The following CNTNAP2 variants were observed in gnomAD, a reference collection of about 807,000 sequenced individuals.
CNTNAP2 encodes contactin-associated protein-like 2.
In CNTNAP2, 98 loss-of-function variants were observed where a neutral mutation model predicts 155.2. The observed-to-expected ratio is 0.63, with a 90% CI of 0.54 to 0.75. The LOEUF (loss-of-function observed/expected upper bound fraction) is 0.75, where lower values mean the gene tolerates loss of function less well. Ranked by LOEUF, CNTNAP2 falls within the 30% of genes least tolerant of loss-of-function variation. CNTNAP2 has a pLI of 0.00. For missense variants in CNTNAP2, 1,727 were observed against 1,688.1 expected (o/e 1.02, Z -0.40); for synonymous variants, 651 against 631.2 (o/e 1.03, Z -0.47).
chr7:147,030,286 G>A (rs1799004485), intron 3 of CNTNAP2, among the ~76,000 whole-genome samples: 1 of 152,114 alleles, frequency 6.6e-6, no homozygotes, highest in South Asian at 2.1e-4. Context: ...TCTTTATGTA[G>A]CATAGTTTCT....
intron 13 of CNTNAP2, among the ~76,000 whole-genome samples, chr7:147,711,424 G>A (rs577236039): frequency 6.6e-6 from 1 of 152,252 alleles, no homozygotes; most frequent in East Asian, 1.9e-4. Flanking sequence ...TACTCACATC[G>A]AAGCTCCCAA....
chr7:147,206,295 T>A (rs1584792571), intron 8 of CNTNAP2, among the ~76,000 whole-genome samples: 1 of 148,454 alleles, frequency 6.7e-6, no homozygotes, highest in South Asian at 2.1e-4. Context: ...CCAGGCACAG[T>A]GGCTCACACC....
chr7:146,171,076 T>A (rs1378577892), intron 1 of CNTNAP2, among the ~76,000 whole-genome samples: 2 of 152,112 alleles, frequency 1.3e-5, no homozygotes, highest in Non-Finnish European at 2.9e-5. Context: ...TGTGTGGATA[T>A]TCACCTAGCA....
At chr7:147,229,753 T>G (rs975123013) in intron 8 of CNTNAP2, among the ~76,000 whole-genome samples, 8 of 152,238 alleles carry the variant, frequency 5.3e-5, no homozygotes, top group Non-Finnish European at 1.0e-4. Flanking sequence ...AAAGGTAGAT[T>G]ATTTTTTATC....
intron 1 of CNTNAP2, among the ~76,000 whole-genome samples, chr7:146,713,037 C>T (rs759606620): frequency 3.9e-5 from 6 of 152,112 alleles, no homozygotes; most frequent in Admixed American, 6.6e-5. Context: ...GATTCACTCC[C>T]CTCTCTGAAT....
At chr7:146,599,786 C>A (rs368475537) in intron 1 of CNTNAP2, among the ~76,000 whole-genome samples, 1 of 61,522 alleles carries the variant, frequency 1.6e-5, no homozygotes, top group Admixed American at 1.5e-4. Flanking sequence ...AGATAGATCT[C>A]TAGTTTTATG....
chr7:146,638,691 T>C (rs1799650718), intron 1 of CNTNAP2, among the ~76,000 whole-genome samples: 1 of 151,926 alleles, frequency 6.6e-6, no homozygotes, highest in South Asian at 2.1e-4. Context: ...TTCACCGTGT[T>C]AGCCAGGATG....
intron 3 of CNTNAP2, among the ~76,000 whole-genome samples, chr7:147,006,646 C>A (rs571353232): frequency 2.6e-5 from 4 of 152,140 alleles, no homozygotes; most frequent in African/African-American, 9.6e-5. Flanking sequence ...TAAACTAAAT[C>A]TTTTCTGTAT....
intron 22 of CNTNAP2, among the ~76,000 whole-genome samples, chr7:148,407,981 A>T (rs1799741449): frequency 6.6e-6 from 1 of 152,226 alleles, no homozygotes. Flanking sequence ...GCAGTGGCTC[A>T]TGCCTGTAAT....
chr7:146,246,301 T>C lies in CNTNAP2; in HGVS notation c.97+129328T>C, dbSNP rs567149481. On this transcript the variant is annotated intron_variant, in intron 1 of 23. Coordinates refer to ENST00000361727, the MANE Select transcript of CNTNAP2 (RefSeq NM_014141.6). ...TGGGAAGAAGGGCAGCAATGAGATGTAGCTGTAATCCAGGAATAGTCAGGG... is the reference window on the plus strand; with the variant it reads ...TGGGAAGAAGGGCAGCAATGAGATGCAGCTGTAATCCAGGAATAGTCAGGG... 6.9e-3 allele frequency among the ~76,000 whole-genome samples: 1,040 copies of C among 150,954 alleles called. 12 individuals are homozygous for C. The highest frequency in any genetic ancestry group is 0.024 in the African/African-American group (985 of 40,538).
At chr7:147,361,153 A>G (rs768663320) in intron 9 of CNTNAP2, among the ~76,000 whole-genome samples, 8 of 152,250 alleles carry the variant, frequency 5.3e-5, no homozygotes, top group Non-Finnish European at 1.0e-4. Flanking sequence ...AAGTCCAAGG[A>G]CAAGAGCTAC....
intron 8 of CNTNAP2, among the ~76,000 whole-genome samples, chr7:147,287,323 G>T (rs531463903): frequency 4.7e-4 from 71 of 152,020 alleles, no homozygotes; most frequent in Non-Finnish European, 9.0e-4. Flanking sequence ...ATATCATCGG[G>T]GTAATTAGAT....
chr7:147,557,869 A>G (rs999083059), intron 11 of CNTNAP2, among the ~76,000 whole-genome samples: 2 of 152,198 alleles, frequency 1.3e-5, no homozygotes, highest in African/African-American at 2.4e-5. Context: ...TTTTGCACCA[A>G]CTTAATACCT....
intron 3 of CNTNAP2, among the ~76,000 whole-genome samples, chr7:147,025,211 G>A (rs1329630971): frequency 3.4e-5 from 5 of 144,942 alleles, no homozygotes; most frequent in Non-Finnish European, 6.0e-5. Context: ...GCTTGAACCC[G>A]GGAAGCGGAT....
At chr7:147,496,855 C>T (rs144096324) in intron 11 of CNTNAP2, 1 of 143,190 alleles carries the variant, frequency 7.0e-6, no homozygotes, top group East Asian at 2.2e-4. Flanking sequence ...TTTGTTGTTG[C>T]TGTTGCCGCA....
chr7:146,670,983 A>G (rs902303841), intron 1 of CNTNAP2, among the ~76,000 whole-genome samples: 1 of 152,144 alleles, frequency 6.6e-6, no homozygotes, highest in Non-Finnish European at 1.5e-5. Flanking sequence ...AATAGTGGTA[A>G]TTCTTAGGAC....
chr7:147,056,491 A>G (rs921771480), intron 4 of CNTNAP2, among the ~76,000 whole-genome samples: 4 of 152,118 alleles, frequency 2.6e-5, no homozygotes, highest in African/African-American at 9.7e-5. Flanking sequence ...GCTCACTTTG[A>G]TTTGAGTTGG....
chr7:148,195,922 C>T (rs1188983420), intron 18 of CNTNAP2, among the ~76,000 whole-genome samples: 2 of 152,142 alleles, frequency 1.3e-5, no homozygotes, highest in Non-Finnish European at 2.9e-5. Context: ...ACATTCAGAG[C>T]ACGCATCCTT....
chr7:148,163,661 A>T (rs1461359575), intron 17 of CNTNAP2, among the ~76,000 whole-genome samples: 1 of 152,190 alleles, frequency 6.6e-6, no homozygotes, highest in Non-Finnish European at 1.5e-5. Flanking sequence ...ATGAATGAGC[A>T]CTCATGAGTG....
Sources: gnomAD v4.1 joint callset for allele counts (sites outside exome capture counted in the v4.1 genomes callset) on GRCh38, gnomAD v4.1.1 for gene constraint, MANE v1.5 for transcripts, NCBI Gene and HGNC (gene_info 2026-07-23, HGNC 2026-07-21) for gene names.